Variants in PCDHGA1 observed in about 807,000 individuals in gnomAD.
PCDHGA1 encodes protocadherin gamma-A1.
In PCDHGA1, 32 loss-of-function variants were observed where a neutral mutation model predicts 58.0. That is an observed-to-expected ratio of 0.55 (90% confidence interval 0.42 to 0.74). PCDHGA1 has a LOEUF of 0.74. Among genes scored for constraint, PCDHGA1 ranks in the 30% least tolerant of loss-of-function variants. The probability of loss-of-function intolerance (pLI) is 0.00; values close to 1 mark genes in which losing one functional copy is unlikely to be tolerated. For synonymous variants in PCDHGA1, 498 were observed against 501.1 expected (o/e 0.99, Z 0.08); for missense variants, 1,205 against 1,182.3 (o/e 1.02, Z -0.28).
At chr5:141,365,503 T>G (rs755169931) in intron 1 of PCDHGA1, 1 of 1,613,948 alleles carries the variant, frequency 6.2e-7, no homozygotes, top group Non-Finnish European at 8.5e-7. Flanking sequence ...GGAATTTGCC[T>G]TTTAAATTGG....
chr5:141,409,480 C>G, intron 1 of PCDHGA1: 1 of 1,614,002 alleles, frequency 6.2e-7, no homozygotes, highest in Non-Finnish European at 8.5e-7. Context: ...TAGCCACTGA[C>G]AGGGGCAAGC....
At position 141,431,954 on chromosome 5, in the gene PCDHGA1, G is replaced by A. The variant is rs912037044; in HGVS notation, c.2422-62853G>A. 6.2e-7 allele frequency: 1 copy of A among 1,613,992 alleles called. No individual in the cohort carries two copies. Among genetic ancestry groups the A allele is most frequent in the African/African-American group, 1.3e-5 (1 of 74,896 alleles). ...GCCCTTTAAATTAGAAAAATCTTAC[G>A]GAAATTACTATAGTTTAGTCACAGA... is the stretch of plus-strand genomic sequence containing the variant. On this transcript the variant is annotated intron_variant, in intron 1 of 3. Coordinates refer to ENST00000517417, the MANE Select transcript of PCDHGA1 (RefSeq NM_018912.3). This position sits in a 1 kb window ranked among gnomAD's most constrained non-coding sequence, Gnocchi z 4.8.
At position 141,485,396 on chromosome 5, in the gene PCDHGA1, T is replaced by C. The variant is rs1466959644; in HGVS notation, c.2422-9411T>C. 2.5e-6 allele frequency: 4 copies of C among 1,614,042 alleles called. No homozygotes were observed. Among genetic ancestry groups the C allele is most frequent in the Non-Finnish European group, 3.4e-6 (4 of 1,179,960 alleles). On this transcript the variant is annotated intron_variant, in intron 1 of 3. Coordinates refer to ENST00000517417, the MANE Select transcript of PCDHGA1 (RefSeq NM_018912.3). The surrounding 1 kb of genome is among the most constrained non-coding windows in gnomAD (Gnocchi z 5.7). ...CGCTGGAGAGGTGAACCAAAGACAC[T>C]TCCGTGTGGATTTGGACAGCGGAGC...
chr5:141,489,579 C>G lies in PCDHGA1; in HGVS notation c.2422-5228C>G, dbSNP rs112808093. 3.7e-6 allele frequency: 6 copies of G among 1,613,922 alleles called. No individual in the cohort carries two copies. The Admixed American group carries it at 5.0e-5, about 13-fold the overall frequency. On this transcript the variant is annotated intron_variant, in intron 1 of 3. Transcript: ENST00000517417. This position sits in a 1 kb window ranked among gnomAD's most constrained non-coding sequence, Gnocchi z 4.5. ...CAGTGCAGGTGGTGACTGAACACCC[C>G]CTGGAGCTAATCCGTGTAGAGGTAG... is the stretch of plus-strand genomic sequence containing the variant.
At chr5:141,365,595 T>C (rs746207657) in intron 1 of PCDHGA1, 1 of 1,613,672 alleles carries the variant, frequency 6.2e-7, no homozygotes, top group Admixed American at 1.7e-5. Context: ...AATATCACTT[T>C]AACCGTCATG....
At position 141,398,847 on chromosome 5, in the gene PCDHGA1, G is replaced by C. The variant is rs773663002; in HGVS notation, c.2421+65742G>C. ...TAACCGACGCCAATGATAATCCCCC[G>C]GTATTCAACCGAGACGTGTACAGAG... On this transcript the variant is annotated intron_variant, in intron 1 of 3. Coordinates refer to ENST00000517417, the MANE Select transcript of PCDHGA1 (RefSeq NM_018912.3). The C allele has an allele frequency of 3.8e-5, 62 of 1,613,758 alleles. 1 individual carries two copies. In the Admixed American group the frequency reaches 1.0e-3, roughly 27 times the overall value.
intron 1 of PCDHGA1, chr5:141,410,798 T>C: frequency 1.4e-6 from 1 of 712,186 alleles, no homozygotes; most frequent in Non-Finnish European, 2.1e-6. Flanking sequence ...CATAAGTTGC[T>C]CTATCTTTTT....
intron 1 of PCDHGA1, among the ~76,000 whole-genome samples, chr5:141,452,019 C>T (rs1227308101): frequency 3.3e-5 from 5 of 152,194 alleles, no homozygotes; most frequent in African/African-American, 1.2e-4. Flanking sequence ...AGCCCACACT[C>T]TGGGGAGATG....
intron 2 of PCDHGA1, 84 bp downstream of exon 2, chr5:141,494,949 C>A (rs1193148622): frequency 6.2e-7 from 1 of 1,606,850 alleles, no homozygotes; most frequent in Non-Finnish European, 8.5e-7. Context: ...GAGGGCCCAG[C>A]ATTTGCTACA....
chr5:141,491,438 G>T lies in PCDHGA1; in HGVS notation c.2422-3369G>T, dbSNP rs376927300. 3.7e-6 allele frequency: 6 copies of T among 1,613,948 alleles called. No homozygotes were observed. The African/African-American group carries it at 4.0e-5, about 11-fold the overall frequency. ...GGGGGTGGAGGGCAGTGCTGCAGGCGCCAGGACTCACCCTCCCCGGACTTC... is the reference window on the plus strand; with the variant it reads ...GGGGGTGGAGGGCAGTGCTGCAGGCTCCAGGACTCACCCTCCCCGGACTTC... On this transcript the variant is annotated intron_variant, in intron 1 of 3. Transcript: ENST00000517417. The surrounding 1 kb of genome is among the most constrained non-coding windows in gnomAD (Gnocchi z 6.9).
chr5:141,499,322 T>C (rs1186220818), intron 2 of PCDHGA1, among the ~76,000 whole-genome samples: 1 of 152,218 alleles, frequency 6.6e-6, no homozygotes, highest in Non-Finnish European at 1.5e-5. Context: ...ACAGTATCCC[T>C]GCTCTCTCTC....
intron 1 of PCDHGA1, chr5:141,387,848 C>A (rs746271589): frequency 1.1e-5 from 18 of 1,597,460 alleles, no homozygotes; most frequent in Non-Finnish European, 1.5e-5. Flanking sequence ...AACCCGGCGT[C>A]TCCAGGCTGG....
chr5:141,420,934 C>T, intron 1 of PCDHGA1: 1 of 377,936 alleles, frequency 2.6e-6, no homozygotes, highest in South Asian at 5.3e-5. Context: ...TGAGCGTAAT[C>T]ATTTCTTCTG....
chr5:141,418,244 C>G (rs746986702), intron 1 of PCDHGA1: 1 of 1,613,980 alleles, frequency 6.2e-7, no homozygotes. Flanking sequence ...TGTTAATGAC[C>G]ACGCCCCTCA....
At chr5:141,366,512 G>A (rs1764605826) in intron 1 of PCDHGA1, 1 of 1,614,288 alleles carries the variant, frequency 6.2e-7, no homozygotes, top group Non-Finnish European at 8.5e-7. Context: ...GCTTCAGGCT[G>A]AAGGCAGCAG....
intron 1 of PCDHGA1, chr5:141,422,736 C>T (rs1408210168): frequency 9.9e-6 from 16 of 1,608,328 alleles, no homozygotes; most frequent in Non-Finnish European, 1.2e-5. Context: ...TGCCTCTGTC[C>T]TCCTATGTCT....
intron 1 of PCDHGA1, among the ~76,000 whole-genome samples, chr5:141,449,607 A>G (rs1279835785): frequency 1.3e-5 from 2 of 149,984 alleles, no homozygotes; most frequent in African/African-American, 4.9e-5. Flanking sequence ...AAAAAAAAAA[A>G]GTAAAAAAGT....
At chr5:141,462,235 C>T (rs1389326284) in intron 1 of PCDHGA1, among the ~76,000 whole-genome samples, 1 of 152,206 alleles carries the variant, frequency 6.6e-6, no homozygotes, top group African/African-American at 2.4e-5. Flanking sequence ...GCAGGGATTA[C>T]AGGTATGAGC....
At chr5:141,414,285 A>G (rs766515802) in intron 1 of PCDHGA1, 1 of 1,613,634 alleles carries the variant, frequency 6.2e-7, no homozygotes, top group East Asian at 2.2e-5. Context: ...GAACAGTCGT[A>G]GCCCTTTTAA....
Sources: allele counts gnomAD v4.1 joint callset (sites outside exome capture counted in the v4.1 genomes callset), GRCh38; gene constraint gnomAD v4.1.1; non-coding constraint Gnocchi (gnomAD v3.1); transcripts MANE v1.5; gene names NCBI Gene and HGNC (gene_info 2026-07-23, HGNC 2026-07-21).